The following CFAP47 variants were observed in gnomAD, a reference collection of about 807,000 sequenced individuals.
CFAP47 encodes cilia and flagella associated protein 47, also known as cilia- and flagella-associated protein 47.
Under a neutral mutation model 148.1 loss-of-function variants are expected in CFAP47, and 29 were observed. That is an observed-to-expected ratio of 0.20 (90% confidence interval 0.15 to 0.27). The LOEUF is 0.27. Ranked by LOEUF, CFAP47 falls within the 10% of genes least tolerant of loss-of-function variation. The pLI, the probability that CFAP47 is intolerant of heterozygous loss-of-function variation, is 1.00. For synonymous variants in CFAP47, 664 were observed against 577.3 expected, an observed-to-expected ratio of 1.15 and a Z score of -2.15; for missense variants, 1,872 against 1,697.5, an observed-to-expected ratio of 1.10 and a Z score of -1.81.
At chrX:36,068,377 C>T (rs1937679587) in intron 27 of CFAP47, among the ~76,000 whole-genome samples, 1 of 112,011 alleles carries the variant, frequency 8.9e-6, no homozygotes, top group South Asian at 3.7e-4. Flanking sequence ...TAGGAATCAC[C>T]TCTCTCTTTT....
chrX:36,162,715 G>A (rs1961899446), intron 39 of CFAP47, among the ~76,000 whole-genome samples: 1 of 111,453 alleles, frequency 9.0e-6, no homozygotes, highest in African/African-American at 3.3e-5. Flanking sequence ...CTTGCTCCCA[G>A]ACTGGTGATT....
chrX:36,220,649 G>T (rs1439053847), intron 45 of CFAP47, among the ~76,000 whole-genome samples: 1 of 110,571 alleles, frequency 9.0e-6, no homozygotes, highest in Non-Finnish European at 1.9e-5. Context: ...TCCTCTACAA[G>T]TGACCACCTA....
intron 22 of CFAP47, among the ~76,000 whole-genome samples, chrX:36,027,362 C>T (rs1184857887): frequency 2.8e-5 from 3 of 109,069 alleles, no homozygotes; most frequent in Non-Finnish European, 5.7e-5. Context: ...TTTGTAATCT[C>T]CAATGTCTAT....
At chrX:36,297,188 A>G (rs1941250875) in intron 51 of CFAP47, among the ~76,000 whole-genome samples, 1 of 111,719 alleles carries the variant, frequency 9.0e-6, no homozygotes, top group Non-Finnish European at 1.9e-5. Context: ...ACCACACTAA[A>G]TGTTGTTTCC....
chrX:36,335,031 T>G, intron 57 of CFAP47, among the ~76,000 whole-genome samples: 1 of 111,192 alleles, frequency 9.0e-6, no homozygotes, highest in Non-Finnish European at 1.9e-5. Flanking sequence ...TTTTTAATTT[T>G]TTTTCCAACC....
intron 35 of CFAP47, chrX:36,144,427 T>C (rs1369879912): frequency 1.4e-5 from 10 of 708,525 alleles, no homozygotes; most frequent in Non-Finnish European, 1.1e-5. Flanking sequence ...TGTTTTAAAG[T>C]AATTCAATAA....
At chrX:35,964,686 A>G (rs915466247) in intron 8 of CFAP47, among the ~76,000 whole-genome samples, 1 of 110,808 alleles carries the variant, frequency 9.0e-6, no homozygotes, top group Non-Finnish European at 1.9e-5. Flanking sequence ...AATAATTTCA[A>G]ATGTCTTGTC....
rs958628853 is a variant in CFAP47, at chrX:35,924,157, A to G, written c.250-1860A>G. Among the ~76,000 whole-genome samples, 36 of 95,380 alleles carry G rather than the reference A, an allele frequency of 3.8e-4. 2 individuals are homozygous for G. Among genetic ancestry groups the G allele is most frequent in the East Asian group, 9.7e-4 (3 of 3,082 alleles). The allele number at this position is 95,380 out of a possible 115,157, so 82.8% of individuals were successfully genotyped here. ...TATATGTGTACATGTATGCGTACATATATGTATATATGTACATGTATGCGT... is the reference window on the plus strand; with the variant it reads ...TATATGTGTACATGTATGCGTACATGTATGTATATATGTACATGTATGCGT... On this transcript the variant is annotated intron_variant, in intron 1 of 63. Coordinates refer to ENST00000378653, the MANE Select transcript of CFAP47 (RefSeq NM_001304548.2).
chrX:35,993,790 C>CT (rs34541774), intron 18 of CFAP47, among the ~76,000 whole-genome samples: 4 of 110,390 alleles, frequency 3.6e-5, no homozygotes, highest in Admixed American at 9.7e-5. Flanking sequence ...AAGAGGGTTG[C>CT]TTTTTTCAAA....
At chrX:36,329,391 A>C (rs1941546072) in intron 57 of CFAP47, among the ~76,000 whole-genome samples, 1 of 112,085 alleles carries the variant, frequency 8.9e-6, no homozygotes, top group African/African-American at 3.2e-5. Context: ...CAAAGTCATG[A>C]AAAGACAAAG....
At chrX:35,927,164 A>T (rs1158742899) in intron 2 of CFAP47, among the ~76,000 whole-genome samples, 10 of 109,680 alleles carry the variant, frequency 9.1e-5, no homozygotes, top group Non-Finnish European at 1.9e-4. Context: ...CAAAAAAAAA[A>T]AAAAAATTCC....
chrX:36,132,291 A>G (rs184603350), intron 33 of CFAP47, among the ~76,000 whole-genome samples: 1 of 111,929 alleles, frequency 8.9e-6, no homozygotes, highest in Non-Finnish European at 1.9e-5. Context: ...GTGGAGCATC[A>G]CTTGAATTTT....
At chrX:36,077,983 C>T (rs1042505131) in intron 29 of CFAP47, among the ~76,000 whole-genome samples, 68 of 110,024 alleles carry the variant, frequency 6.2e-4, no homozygotes, top group African/African-American at 2.2e-3. Flanking sequence ...GAGCTGAGAT[C>T]GTGCCACTGC....
intron 56 of CFAP47, among the ~76,000 whole-genome samples, chrX:36,311,271 T>G (rs1344473805): frequency 1.8e-5 from 2 of 110,911 alleles, no homozygotes; most frequent in Non-Finnish European, 3.8e-5. Flanking sequence ...GTAAGATTCT[T>G]ATGATATTAT....
intron 55 of CFAP47, 123 bp from the exon 56 acceptor site, chrX:36,310,710 G>A (rs1941386793): frequency 2.9e-6 from 1 of 349,282 alleles, no homozygotes. Flanking sequence ...ATAAAACAAT[G>A]CTTTTTAACA....
At chrX:36,036,211 C>G (rs960523817) in intron 24 of CFAP47, among the ~76,000 whole-genome samples, 1 of 111,070 alleles carries the variant, frequency 9.0e-6, no homozygotes, top group African/African-American at 3.3e-5. Context: ...CTCCCCATTT[C>G]CCCCACTCCC....
intron 55 of CFAP47, among the ~76,000 whole-genome samples, chrX:36,310,385 T>C (rs1556009701): frequency 9.0e-6 from 1 of 110,596 alleles, no homozygotes; most frequent in Non-Finnish European, 1.9e-5. Flanking sequence ...TACTTCCTTT[T>C]ATTGGAGCTT....
In CFAP47 at chrX:36,056,027, C is replaced by A. The variant is rs778826013; in HGVS notation, c.4217+8964C>A. On this transcript the variant is annotated intron_variant, in intron 26 of 63. Transcript: ENST00000378653. ...GGGGTTGTTTTTTTCTTGTAGATTT[C>A]TTTAAGTTCCTTGTACACTCTGGAT... 3.7e-5 allele frequency among the ~76,000 whole-genome samples: 4 copies of A among 109,146 alleles called. No individual in the cohort carries two copies. In the South Asian group the frequency reaches 1.6e-3, roughly 44 times the overall value. The allele number at this position is 109,146 out of a possible 115,157, so 94.8% of individuals were successfully genotyped here. A position where few individuals can be genotyped will look rare whatever the true frequency, so the allele number is the denominator to read the frequency against.
intron 45 of CFAP47, among the ~76,000 whole-genome samples, chrX:36,219,736 A>G (rs1427306722): frequency 1.8e-5 from 2 of 110,098 alleles, no homozygotes; most frequent in Non-Finnish European, 3.8e-5. Flanking sequence ...TTATCTACCT[A>G]TAACCTAGAA....
Sources: gnomAD v4.1 joint callset for allele counts (sites outside exome capture counted in the v4.1 genomes callset) on GRCh38, gnomAD v4.1.1 for gene constraint, MANE v1.5 for transcripts, NCBI Gene and HGNC (gene_info 2026-07-23, HGNC 2026-07-21) for gene names.